The following UNC5C variants were observed in gnomAD, a reference collection of about 807,000 sequenced individuals.
UNC5C encodes the protein unc-5 netrin receptor C.
UNC5C carries 47 observed loss-of-function variants against 99.8 expected under a neutral mutation model. The observed-to-expected ratio is 0.47, with a 90% CI of 0.37 to 0.60. The LOEUF (loss-of-function observed/expected upper bound fraction) is 0.60, where lower values mean the gene tolerates loss of function less well. Ranked by LOEUF, UNC5C falls within the 20% of genes least tolerant of loss-of-function variation. UNC5C has a pLI of 0.00. For missense variants in UNC5C, 1,062 were observed against 1,165.9 expected, an observed-to-expected ratio of 0.91 and a Z score of 1.30; for synonymous variants, 487 against 452.2, an observed-to-expected ratio of 1.08 and a Z score of -0.98.
At chr4:95,452,091 C>T (rs1037142581) in intron 1 of UNC5C, among the ~76,000 whole-genome samples, 2 of 152,054 alleles carry the variant, frequency 1.3e-5, no homozygotes, top group African/African-American at 4.8e-5. Flanking sequence ...GTATATGGTA[C>T]ATTATTTTAA....
chr4:95,413,366 C>T (rs1269315550), intron 1 of UNC5C, among the ~76,000 whole-genome samples: 1 of 152,128 alleles, frequency 6.6e-6, no homozygotes, highest in African/African-American at 2.4e-5. Context: ...GCCTCCTCAG[C>T]CTTGCTTTCT....
At position 95,250,360 on chromosome 4, in the gene UNC5C, G is replaced by A. The variant is rs919781515; in HGVS notation, c.775+127C>T. 8.0e-6 allele frequency: 8 copies of A among 1,003,934 alleles called. No individual in the cohort carries two copies. In the African/African-American group the frequency reaches 1.3e-4, roughly 16 times the overall value. 62.2% of individuals were successfully genotyped at this position (1,003,934 alleles called of 1,614,324 possible). On this transcript the variant is annotated intron_variant, in intron 5 of 15. Coordinates refer to ENST00000453304, the MANE Select transcript of UNC5C (RefSeq NM_003728.4). ...CGGTCATGCCATTGCACGCCAGCCT[G>A]GGTGACAGAGCAAGACCCTGTCTCA...
At chr4:95,203,121 G>A (rs369033814) in intron 11 of UNC5C, among the ~76,000 whole-genome samples, 157 bp from the exon 12 acceptor site, 3 of 152,224 alleles carry the variant, frequency 2.0e-5, no homozygotes, top group South Asian at 2.1e-4. Flanking sequence ...TCATCATTCT[G>A]TCTCTTTCTA....
chr4:95,301,890 A>C (rs1448544427), intron 2 of UNC5C, 141 bp from the exon 3 acceptor site: 1 of 1,117,762 alleles, frequency 8.9e-7, no homozygotes, highest in Admixed American at 2.8e-5. Flanking sequence ...ATCTCTTTTG[A>C]CTTTCTTCTC....
At chr4:95,378,533 G>A (rs1413016720) in intron 1 of UNC5C, among the ~76,000 whole-genome samples, 1 of 152,150 alleles carries the variant, frequency 6.6e-6, no homozygotes, top group Non-Finnish European at 1.5e-5. Context: ...CCTCCACAGA[G>A]TAATAGCTTT....
chr4:95,411,097 T>C (rs1167100284), intron 1 of UNC5C, among the ~76,000 whole-genome samples: 1 of 152,168 alleles, frequency 6.6e-6, no homozygotes, highest in East Asian at 1.9e-4. Context: ...TCTTATCTGT[T>C]ATTGAAAATT....
intron 1 of UNC5C, among the ~76,000 whole-genome samples, chr4:95,382,519 T>C (rs181516841): frequency 7.8e-4 from 119 of 151,772 alleles, no homozygotes; most frequent in African/African-American, 2.8e-3. Context: ...TTTGCATAAA[T>C]CCATCTTTTG....
At chr4:95,245,253 A>G in intron 5 of UNC5C, 109 bp from the exon 6 acceptor site, 1 of 1,292,452 alleles carries the variant, frequency 7.7e-7, no homozygotes, top group Non-Finnish European at 1.0e-6. Context: ...TTTCCAAGCG[A>G]CCATTATAAA....
intron 1 of UNC5C, among the ~76,000 whole-genome samples, chr4:95,499,218 A>C (rs1044923142): frequency 5.9e-5 from 9 of 152,100 alleles, no homozygotes; most frequent in Non-Finnish European, 1.3e-4. Flanking sequence ...TCTGGATATA[A>C]TAGGTGGAGG....
intron 4 of UNC5C, among the ~76,000 whole-genome samples, chr4:95,261,972 G>C (rs1200070317): frequency 6.6e-6 from 1 of 152,128 alleles, no homozygotes; most frequent in Non-Finnish European, 1.5e-5. Flanking sequence ...CAAAGTGCTG[G>C]ATTACAGGCA....
At chr4:95,310,539 T>G (rs1227505537) in intron 2 of UNC5C, among the ~76,000 whole-genome samples, 1 of 152,148 alleles carries the variant, frequency 6.6e-6, no homozygotes, top group Non-Finnish European at 1.5e-5. Context: ...CATCATGTTA[T>G]TCACCATAAA....
chr4:95,174,160 C>CT (rs1346153331), intron 14 of UNC5C, among the ~76,000 whole-genome samples: 13 of 151,898 alleles, frequency 8.6e-5, no homozygotes, highest in Admixed American at 8.5e-4. Context: ...TGCTAGCAGT[C>CT]TATCAATTTT....
intron 1 of UNC5C, among the ~76,000 whole-genome samples, chr4:95,465,831 G>C (rs1437864471): frequency 6.6e-6 from 1 of 152,130 alleles, no homozygotes; most frequent in African/African-American, 2.4e-5. Context: ...AATTTCCCCA[G>C]TGACCTTTCT....
intron 4 of UNC5C, among the ~76,000 whole-genome samples, chr4:95,271,420 G>A (rs942033918): frequency 6.6e-6 from 1 of 151,902 alleles, no homozygotes; most frequent in Non-Finnish European, 1.5e-5. Context: ...TAGTAGAGAC[G>A]GGGTTTCACT....
chr4:95,197,514 G>A (rs1179300587), intron 12 of UNC5C, among the ~76,000 whole-genome samples: 1 of 152,156 alleles, frequency 6.6e-6, no homozygotes, highest in East Asian at 1.9e-4. Flanking sequence ...GTCAGATGAA[G>A]TGAGAAGAGG....
intron 1 of UNC5C, among the ~76,000 whole-genome samples, chr4:95,429,182 G>C (rs1212304928): frequency 6.6e-6 from 1 of 151,396 alleles, no homozygotes; most frequent in East Asian, 1.9e-4. Context: ...GCGTTTAGAT[G>C]ACATGTCTGA....
intron 4 of UNC5C, among the ~76,000 whole-genome samples, chr4:95,251,113 A>T (rs528529555): frequency 8.3e-4 from 127 of 152,244 alleles, no homozygotes; most frequent in Non-Finnish European, 1.6e-3. Flanking sequence ...TCAGAAAAGA[A>T]TAGAAAGACT....
chr4:95,191,930 C>T (rs1302108576), intron 12 of UNC5C, among the ~76,000 whole-genome samples: 2 of 144,808 alleles, frequency 1.4e-5, no homozygotes, highest in Non-Finnish European at 3.0e-5. Context: ...TGCCCACCTC[C>T]TCCCCTGCTC....
chr4:95,169,251 C>T lies in UNC5C; in HGVS notation c.2779G>A (p.Ala927Thr). 1 of 1,614,130 alleles carries T rather than the reference C, an allele frequency of 6.2e-7. No individual in the cohort carries two copies. The highest frequency in any genetic ancestry group is 8.5e-7 in the Non-Finnish European group (1 of 1,180,024). ...GRHETVVSLA[A>T]EGQY ...CATGGTGGTTAATACTGCCCTTCTGCTGCTAAGGACACCACCGTTTCATGT... is the reference window on the plus strand; with the variant it reads ...CATGGTGGTTAATACTGCCCTTCTGTTGCTAAGGACACCACCGTTTCATGT... The change falls in exon 16 of 16, where the codon GCA becomes ACA. Residue 927 changes from alanine to threonine, a missense_variant. Ala to Thr is a moderately conservative substitution (Grantham distance 58). Coordinates refer to ENST00000453304, the MANE Select transcript of UNC5C (RefSeq NM_003728.4).
Sources: gnomAD v4.1 joint callset for allele counts (sites outside exome capture counted in the v4.1 genomes callset) on GRCh38, gnomAD v4.1.1 for gene constraint, MANE v1.5 for transcripts, NCBI Gene and HGNC (gene_info 2026-07-23, HGNC 2026-07-21) for gene names.